PSMB2: variants seen among roughly 807,000 people sequenced by gnomAD.
The protein encoded by PSMB2 is proteasome subunit beta type-2.
In PSMB2, 13 loss-of-function variants were observed where a neutral mutation model predicts 25.7. The observed-to-expected ratio is 0.51, with a 90% CI of 0.33 to 0.80. The LOEUF is 0.80. Ranked by LOEUF, PSMB2 falls within the 30% of genes least tolerant of loss-of-function variation. The pLI is 0.02. For missense variants in PSMB2, 202 were observed against 259.0 expected, an observed-to-expected ratio of 0.78 and a Z score of 1.51; for synonymous variants, 87 against 96.2, an observed-to-expected ratio of 0.90 and a Z score of 0.56.
chr1:35,631,421 G>C, intron 2 of PSMB2, 77 bp from the exon 3 acceptor site: 1 of 1,594,196 alleles, frequency 6.3e-7, no homozygotes, highest in Admixed American at 1.7e-5. Flanking sequence ...CACTACCCCT[G>C]TTCCTAAAGC....
intron 3 of PSMB2, among the ~76,000 whole-genome samples, chr1:35,613,148 T>G (rs1228630872): frequency 2.0e-5 from 3 of 152,250 alleles, no homozygotes; most frequent in Non-Finnish European, 4.4e-5. Context: ...GTGAGATGCT[T>G]AAGCATAAAT....
chr1:35,636,209 G>A (rs930774008), intron 2 of PSMB2, 101 bp downstream of exon 2: 42 of 1,420,370 alleles, frequency 3.0e-5, no homozygotes, highest in Non-Finnish European at 3.9e-5. Flanking sequence ...CTAGAACTGT[G>A]AGAAAATACA....
Position 35,641,450 on chromosome 1 carries a change from G to A in PSMB2, c.-18C>T. ...TACTCCATGGTGGCGGAAGGCCAGGGGCTGCAGGTCCGACACAGCACGAGA... is the reference window on the plus strand; with the variant it reads ...TACTCCATGGTGGCGGAAGGCCAGGAGCTGCAGGTCCGACACAGCACGAGA... On this transcript the variant is annotated 5_prime_UTR_variant, in exon 1 of 6. Transcript: ENST00000373237. 6.2e-7 allele frequency: 1 copy of A among 1,614,044 alleles called. No individual in the cohort carries two copies. Among genetic ancestry groups the A allele is most frequent in the East Asian group, 2.2e-5 (1 of 44,874 alleles).
In PSMB2 at chr1:35,599,771, G is replaced by C; in HGVS notation, c.*3496C>G. On this transcript the variant is annotated 3_prime_UTR_variant, in exon 6 of 6. Transcript: ENST00000373237. ...AGAGGGAAGAGATTAAAAGTAGAGT[G>C]AAGTTAGGAGGCTGTTAAATAGTCT... The C allele has an allele frequency of 9.2e-6, 9 of 983,574 alleles. No individual in the cohort carries two copies. Among genetic ancestry groups the C allele is most frequent in the Non-Finnish European group, 1.1e-5 (9 of 828,234 alleles). 60.9% of individuals were successfully genotyped at this position (983,574 alleles called of 1,614,324 possible).
rs1356635377 is a variant in PSMB2 at position 35,600,216 on chromosome 1, T to C, written c.*3051A>G. On this transcript the variant is annotated 3_prime_UTR_variant, in exon 6 of 6. Transcript: ENST00000373237. ...TAGAAATGCCAGAACTTGGTGGCCA[T>C]GTAGAGACAGGAGATAAAGAATGGC... The C allele has an allele frequency of 1.2e-5, 12 of 985,276 alleles. No individual in the cohort carries two copies. The highest frequency in any genetic ancestry group is 1.3e-5 in the Non-Finnish European group (11 of 829,888). 61.0% of individuals were successfully genotyped at this position (985,276 alleles called of 1,614,324 possible). A position where few individuals can be genotyped will look rare whatever the true frequency, so the allele number is the denominator to read the frequency against.
At chr1:35,635,923 T>C (rs549020228) in intron 2 of PSMB2, among the ~76,000 whole-genome samples, 37 of 151,610 alleles carry the variant, frequency 2.4e-4, no homozygotes, top group Non-Finnish European at 4.3e-4. Flanking sequence ...CCAATTGTTA[T>C]AGGCTGAATT....
intron 3 of PSMB2, among the ~76,000 whole-genome samples, chr1:35,629,851 C>T (rs1165095253): frequency 6.6e-6 from 1 of 151,908 alleles, no homozygotes; most frequent in East Asian, 1.9e-4. Context: ...AAGAGAAACA[C>T]AGATAAGCAA....
Position 35,603,184 on chromosome 1 carries a change from A to G in PSMB2, c.*83T>C. 1 of 1,537,824 alleles carries G rather than the reference A, an allele frequency of 6.5e-7. No individual in the cohort carries two copies. The highest frequency in any genetic ancestry group is 8.7e-7 in the Non-Finnish European group (1 of 1,148,680). ...TTTATTCTGAATTAACCATTTATCA[A>G]GAGTGCGCCTGAAAAGAGTAGAAAA... On this transcript the variant is annotated 3_prime_UTR_variant, in exon 6 of 6. Coordinates refer to ENST00000373237, the MANE Select transcript of PSMB2 (RefSeq NM_002794.5).
At position 35,641,365 on chromosome 1, in the gene PSMB2, C is replaced by T; in HGVS notation, c.68G>A (p.Ser23Asn). The T allele has an allele frequency of 6.2e-7, 1 of 1,614,126 alleles. No individual in the cohort carries two copies. Among genetic ancestry groups the T allele is most frequent in the Non-Finnish European group, 8.5e-7 (1 of 1,180,034 alleles). Residue 23 changes from serine (S) to asparagine (N), a missense_variant, in exon 1 of 6, where the codon AGC (serine) becomes AAC (asparagine). Physicochemically the swap from Ser to Asn is conservative, Grantham distance 46 (BLOSUM62 1). Coordinates refer to ENST00000373237, the MANE Select transcript of PSMB2 (RefSeq NM_002794.5). ...VLVASDRVAA[S>N]NIVQMKDDHD... ...ACCGTCCTTCATCTGGACAATATTGCTGGCGGCCACCCGGTCGGAGGCGAC... is the reference window on the plus strand; with the variant it reads ...ACCGTCCTTCATCTGGACAATATTGTTGGCGGCCACCCGGTCGGAGGCGAC...
In PSMB2 at chr1:35,601,040, C is replaced by T; in HGVS notation, c.*2227G>A. On this transcript the variant is annotated 3_prime_UTR_variant, in exon 6 of 6. Transcript: ENST00000373237. Reference sequence around the variant, plus strand: ...AGCAGCACTCCACTGGGTAGGGCGTCAGAATCATCTGTGGCGCTTTTTTTT... The same window carrying T: ...AGCAGCACTCCACTGGGTAGGGCGTTAGAATCATCTGTGGCGCTTTTTTTT... 5.6e-6 allele frequency: 2 copies of T among 359,076 alleles called. No individual in the cohort carries two copies. The highest frequency in any genetic ancestry group is 7.6e-6 in the Non-Finnish European group (2 of 263,818). 22.2% of individuals were successfully genotyped at this position (359,076 alleles called of 1,614,324 possible).
At position 35,601,889 on chromosome 1, in the gene PSMB2, G is replaced by C; in HGVS notation, c.*1378C>G. 1.0e-6 allele frequency: 1 copy of C among 985,436 alleles called. No homozygotes were observed. The highest frequency in any genetic ancestry group is 1.1e-4 in the East Asian group (1 of 8,818). The allele number at this position is 985,436 out of a possible 1,614,324, so 61.0% of individuals were successfully genotyped here. A position where few individuals can be genotyped will look rare whatever the true frequency, so the allele number is the denominator to read the frequency against. ...ACATTGTTCCCTAAAGTTATGCTAAGAGTAAAACGAGTAACTGGTTAACTG... is the reference window on the plus strand; with the variant it reads ...ACATTGTTCCCTAAAGTTATGCTAACAGTAAAACGAGTAACTGGTTAACTG... On this transcript the variant is annotated 3_prime_UTR_variant, in exon 6 of 6. Coordinates refer to ENST00000373237, the MANE Select transcript of PSMB2 (RefSeq NM_002794.5).
intron 3 of PSMB2, among the ~76,000 whole-genome samples, chr1:35,625,199 T>G (rs887553336): frequency 3.5e-4 from 53 of 152,220 alleles, no homozygotes; most frequent in African/African-American, 1.2e-3. Context: ...GCTAAGCATT[T>G]ACAAATAAAT....
At chr1:35,633,382 T>C (rs1651156342) in intron 2 of PSMB2, among the ~76,000 whole-genome samples, 1 of 152,240 alleles carries the variant, frequency 6.6e-6, no homozygotes, top group Non-Finnish European at 1.5e-5. Context: ...CTTTCCCTTA[T>C]TTTAGCTCAG....
chr1:35,615,782 T>C (rs564348003), intron 3 of PSMB2, among the ~76,000 whole-genome samples: 2 of 152,336 alleles, frequency 1.3e-5, no homozygotes, highest in Admixed American at 1.3e-4. Flanking sequence ...CTTTGGAGAA[T>C]GGTGCAATTT....
chr1:35,603,193 C>G lies in PSMB2; in HGVS notation c.*74G>C, dbSNP rs567822362. 9.0e-6 allele frequency: 14 copies of G among 1,560,664 alleles called. No individual in the cohort carries two copies. In the African/African-American group the frequency reaches 1.8e-4, roughly 20 times the overall value. ...AATTAACCATTTATCAAGAGTGCGC[C>G]TGAAAAGAGTAGAAAAAAATAAAGG... On this transcript the variant is annotated 3_prime_UTR_variant, in exon 6 of 6. Transcript: ENST00000373237.
In PSMB2 at chr1:35,614,263, GT is replaced by G. The variant is rs565537419; in HGVS notation, c.286-4856del. Among the ~76,000 whole-genome samples, 6 of 152,236 alleles carry G rather than the reference GT, an allele frequency of 3.9e-5. No individual in the cohort carries two copies. In the South Asian group the frequency reaches 1.2e-3, roughly 32 times the overall value. On this transcript the variant is annotated intron_variant, in intron 3 of 5. Transcript: ENST00000373237. The stretch of plus-strand genomic sequence containing the variant: ...GAGTGGTAAAGCTACTTTCTAGACA[GT>G]TTTTCATCAGTTCCCTTAGTTCCCC...
intron 3 of PSMB2, among the ~76,000 whole-genome samples, chr1:35,613,374 T>C (rs1049596110): frequency 2.1e-5 from 3 of 145,716 alleles, no homozygotes; most frequent in Non-Finnish European, 4.5e-5. Flanking sequence ...CCTGTCTCTA[T>C]GGGAAAAAAA....
intron 3 of PSMB2, among the ~76,000 whole-genome samples, chr1:35,623,325 C>T (rs1462235289): frequency 9.2e-5 from 14 of 152,176 alleles, no homozygotes; most frequent in Non-Finnish European, 1.3e-4. Flanking sequence ...AGACACGTAA[C>T]TCTTGGCCTA....
At chr1:35,619,487 T>C (rs1650612336) in intron 3 of PSMB2, among the ~76,000 whole-genome samples, 1 of 152,232 alleles carries the variant, frequency 6.6e-6, no homozygotes, top group Admixed American at 6.5e-5. Flanking sequence ...TGGAGGACAG[T>C]ACTGCTTGCT....
Sources: gnomAD v4.1 joint callset for allele counts (sites outside exome capture counted in the v4.1 genomes callset) on GRCh38, gnomAD v4.1.1 for gene constraint, MANE v1.5 for transcripts, NCBI Gene and HGNC (gene_info 2026-07-23, HGNC 2026-07-21) for gene names.